Variants in SMYD3 observed in about 807,000 individuals in gnomAD.
SMYD3 encodes histone-lysine N-methyltransferase SMYD3.
In SMYD3, 36 loss-of-function variants were observed where a neutral mutation model predicts 57.7. The observed-to-expected ratio is 0.62, with a 90% CI of 0.48 to 0.82. The LOEUF (loss-of-function observed/expected upper bound fraction) is 0.82, where lower values mean the gene tolerates loss of function less well. SMYD3 is among the 40% of genes least tolerant of loss of function. The probability of loss-of-function intolerance (pLI) is 0.00; values close to 1 mark genes in which losing one functional copy is unlikely to be tolerated. For synonymous variants in SMYD3, 211 were observed against 195.0 expected (o/e 1.08, Z -0.68); for missense variants, 515 against 538.8 (o/e 0.96, Z 0.44).
intron 8 of SMYD3, among the ~76,000 whole-genome samples, chr1:245,873,679 A>G (rs1279938437): frequency 6.6e-6 from 1 of 152,196 alleles, no homozygotes; most frequent in Non-Finnish European, 1.5e-5. Context: ...CGCAGAACAG[A>G]TTCAAGTGAG....
intron 10 of SMYD3, among the ~76,000 whole-genome samples, chr1:245,804,608 G>C (rs2048049517): frequency 6.6e-6 from 1 of 152,194 alleles, no homozygotes; most frequent in South Asian, 2.1e-4. Context: ...GTGGTAGTAA[G>C]AGTGGGGCCT....
intron 5 of SMYD3, among the ~76,000 whole-genome samples, chr1:246,153,132 C>T (rs2061970101): frequency 6.6e-6 from 1 of 152,118 alleles, no homozygotes; most frequent in South Asian, 2.1e-4. Context: ...TGCGTGTGTG[C>T]GTCTCCCTCA....
intron 5 of SMYD3, among the ~76,000 whole-genome samples, chr1:246,199,307 T>G (rs1335052772): frequency 6.6e-6 from 1 of 152,230 alleles, no homozygotes; most frequent in East Asian, 1.9e-4. Flanking sequence ...GTCACTGAGC[T>G]GAGCACACCC....
chr1:245,789,945 A>C (rs190045948), intron 10 of SMYD3, among the ~76,000 whole-genome samples: 30 of 152,318 alleles, frequency 2.0e-4, no homozygotes, highest in Non-Finnish European at 3.4e-4. Flanking sequence ...TCATGCATTC[A>C]CATTACAGAT....
chr1:246,322,192 C>G (rs1426480185), intron 5 of SMYD3: 1 of 152,342 alleles, frequency 6.6e-6, no homozygotes, highest in East Asian at 1.9e-4. Context: ...ATGACAAAAG[C>G]CCATCTCTAC....
chr1:246,436,293 A>C (rs922921077), intron 1 of SMYD3, among the ~76,000 whole-genome samples: 25 of 152,194 alleles, frequency 1.6e-4, no homozygotes, highest in Admixed American at 4.6e-4. Context: ...AATTTTCCTA[A>C]AGTGAACTAA....
At chr1:246,099,538 T>C (rs1306602067) in intron 5 of SMYD3, among the ~76,000 whole-genome samples, 1 of 152,196 alleles carries the variant, frequency 6.6e-6, no homozygotes, top group Admixed American at 6.5e-5. Flanking sequence ...CTAGTGATTG[T>C]TGAACACTGG....
chr1:246,355,216 A>G lies in SMYD3; in HGVS notation c.165-122T>C. The G allele has an allele frequency of 1.1e-6, 1 of 905,682 alleles. No individual in the cohort carries two copies. The highest frequency in any genetic ancestry group is 1.7e-6 in the Non-Finnish European group (1 of 583,300). The allele number at this position is 905,682 out of a possible 1,614,324, so 56.1% of individuals were successfully genotyped here. A position where few individuals can be genotyped will look rare whatever the true frequency, so the allele number is the denominator to read the frequency against. The stretch of plus-strand genomic sequence containing the variant: ...ATGTTCTGTTTACTCCATTATGTAC[A>G]GTCCCTTAAGATTTGGATTTTCACA... On this transcript the variant is annotated intron_variant, in intron 1 of 11. Coordinates refer to ENST00000490107, the MANE Select transcript of SMYD3 (RefSeq NM_001167740.2). This position sits in a 1 kb window ranked among gnomAD's most constrained non-coding sequence, Gnocchi z 5.0.
chr1:246,143,088 CATT>C (rs1460764408), intron 5 of SMYD3, among the ~76,000 whole-genome samples: 1 of 151,256 alleles, frequency 6.6e-6, no homozygotes, highest in Non-Finnish European at 1.5e-5. Flanking sequence ...ACCTGGATTA[CATT>C]ATCTTTTTTA....
At chr1:246,474,484 A>C (rs1350517861) in intron 1 of SMYD3, among the ~76,000 whole-genome samples, 1 of 142,118 alleles carries the variant, frequency 7.0e-6, no homozygotes, top group Admixed American at 7.8e-5. Flanking sequence ...GAGCCACTGC[A>C]CTCCAACCTG....
chr1:246,009,010 C>T (rs558162080), intron 5 of SMYD3, among the ~76,000 whole-genome samples: 7 of 152,198 alleles, frequency 4.6e-5, no homozygotes, highest in South Asian at 2.1e-4. Flanking sequence ...CACTTGGCTT[C>T]GGTTTCCTCC....
chr1:245,898,034 G>A (rs952568021), intron 8 of SMYD3, among the ~76,000 whole-genome samples: 3 of 152,192 alleles, frequency 2.0e-5, no homozygotes, highest in Admixed American at 6.5e-5. Context: ...TGCTCTGGCT[G>A]TGTTTTCCTT....
intron 5 of SMYD3, among the ~76,000 whole-genome samples, chr1:246,284,660 C>T (rs377705672): frequency 6.6e-6 from 1 of 152,118 alleles, no homozygotes; most frequent in African/African-American, 2.4e-5. Flanking sequence ...TCGTGATCCG[C>T]CCACCTCAGC....
intron 5 of SMYD3, chr1:245,947,485 T>G (rs905051886): frequency 5.3e-5 from 24 of 453,866 alleles, no homozygotes; most frequent in Non-Finnish European, 1.0e-4. Context: ...TTTTAAAACA[T>G]CAGGGATTCA....
Position 246,244,278 on chromosome 1 carries a change from A to G in SMYD3, c.531+82923T>C, listed in dbSNP as rs183841842. ...ATTGTACTTTTCACCTTTTTGAGTGACCCCATTTTATAGGTATCTTGGGGC... is the reference window on the plus strand; with the variant it reads ...ATTGTACTTTTCACCTTTTTGAGTGGCCCCATTTTATAGGTATCTTGGGGC... On this transcript the variant is annotated intron_variant, in intron 5 of 11. Transcript: ENST00000490107. Among the ~76,000 whole-genome samples, 653 of 152,062 alleles carry G rather than the reference A, an allele frequency of 4.3e-3. 2 individuals are homozygous for G. The highest frequency in any genetic ancestry group is 6.9e-3 in the Non-Finnish European group (466 of 67,990).
At chr1:245,789,545 T>C (rs2047180442) in intron 10 of SMYD3, among the ~76,000 whole-genome samples, 1 of 152,244 alleles carries the variant, frequency 6.6e-6, no homozygotes, top group Non-Finnish European at 1.5e-5. Flanking sequence ...AAATTCTTGA[T>C]GTTGGCCTGA....
chr1:245,847,438 C>T (rs891406854), intron 10 of SMYD3, among the ~76,000 whole-genome samples: 7 of 152,208 alleles, frequency 4.6e-5, no homozygotes, highest in African/African-American at 9.6e-5. Context: ...GCGTGCTGAT[C>T]ATATTTTCAA....
At chr1:246,102,591 C>T (rs189383824) in intron 5 of SMYD3, among the ~76,000 whole-genome samples, 48 of 152,062 alleles carry the variant, frequency 3.2e-4, no homozygotes, top group African/African-American at 9.4e-4. Context: ...TTGTTTTCAC[C>T]GGCTAGCACG....
intron 11 of SMYD3, among the ~76,000 whole-genome samples, chr1:245,756,918 G>A (rs1357677106): frequency 6.6e-6 from 1 of 151,274 alleles, no homozygotes; most frequent in African/African-American, 2.4e-5. Flanking sequence ...ACAGGTTTAT[G>A]TCGCCTGCCA....
Sources: gnomAD v4.1 joint callset for allele counts (sites outside exome capture counted in the v4.1 genomes callset) on GRCh38, gnomAD v4.1.1 for gene constraint, Gnocchi (gnomAD v3.1) non-coding constraint, MANE v1.5 for transcripts, NCBI Gene and HGNC (gene_info 2026-07-23, HGNC 2026-07-21) for gene names.